The following SLC9A3 variants were observed in gnomAD, a reference collection of about 807,000 sequenced individuals.
The protein encoded by SLC9A3 is solute carrier family 9 member A3.
In SLC9A3, 37 loss-of-function variants were observed where a neutral mutation model predicts 86.8. That is an observed-to-expected ratio of 0.43 (90% CI 0.33 to 0.56). SLC9A3 has a LOEUF of 0.56. SLC9A3 is among the 20% of genes least tolerant of loss of function. The pLI is 0.06. For synonymous variants in SLC9A3, 581 were observed against 528.3 expected (o/e 1.10, Z -1.37); for missense variants, 1,011 against 1,171.9 (o/e 0.86, Z 2.00).
In SLC9A3 at chr5:472,805, C is replaced by T. The variant is rs1166730930; in HGVS notation, c.*574G>A. On this transcript the variant is annotated 3_prime_UTR_variant, in exon 17 of 17. Transcript: ENST00000264938. The stretch of plus-strand genomic sequence containing the variant: ...GCGCTCGGGAGGTCCCTGAGTCGGT[C>T]CCCGAGTCAGTCCCCGGGCGCGGGG... 2 of 572,662 alleles carry T rather than the reference C, an allele frequency of 3.5e-6. No homozygotes were observed. The highest frequency in any genetic ancestry group is 6.6e-6 in the Non-Finnish European group (2 of 302,814). The allele number at this position is 572,662 out of a possible 1,614,324, so 35.5% of individuals were successfully genotyped here. A position where few individuals can be genotyped will look rare whatever the true frequency, so the allele number is the denominator to read the frequency against.
chr5:508,477 A>G (rs1426903985), intron 1 of SLC9A3, among the ~76,000 whole-genome samples: 15 of 101,504 alleles, frequency 1.5e-4, no homozygotes, highest in East Asian at 6.8e-4. Context: ...GCAGGGAGAC[A>G]CAGCCCATAG....
intron 16 of SLC9A3, 112 bp from the exon 17 acceptor site, chr5:473,494 G>A: frequency 1.1e-6 from 1 of 930,130 alleles, no homozygotes; most frequent in East Asian, 3.4e-5. Context: ...CTCCCCTCCC[G>A]CGGCGCACCC....
Position 473,267 on chromosome 5 carries a change from C to A in SLC9A3, c.*112G>T. 3.5e-6 allele frequency: 4 copies of A among 1,154,354 alleles called. No individual in the cohort carries two copies. Among genetic ancestry groups the A allele is most frequent in the Middle Eastern group, 3.2e-4 (1 of 3,102 alleles). 71.5% of individuals were successfully genotyped at this position (1,154,354 alleles called of 1,614,324 possible). A position where few individuals can be genotyped will look rare whatever the true frequency, so the allele number is the denominator to read the frequency against. ...TGGGCGAGGCGGGGCTCGGGGCTCGCGGTCGCTGTAGCCGCGCGGGGATCT... is the reference window on the plus strand; with the variant it reads ...TGGGCGAGGCGGGGCTCGGGGCTCGAGGTCGCTGTAGCCGCGCGGGGATCT... On this transcript the variant is annotated 3_prime_UTR_variant, in exon 17 of 17. Transcript: ENST00000264938.
At chr5:488,550 G>A (rs923269920) in intron 2 of SLC9A3, 74 bp from the exon 3 acceptor site, 6 of 1,402,276 alleles carry the variant, frequency 4.3e-6, no homozygotes, top group East Asian at 5.3e-5. Context: ...GGAGGCGCTC[G>A]CCTACGGGTC....
intron 1 of SLC9A3, among the ~76,000 whole-genome samples, chr5:517,743 TCACCCATCCATCCATCCATC>T (rs1223032151): frequency 1.5e-5 from 2 of 132,198 alleles, no homozygotes; most frequent in African/African-American, 2.9e-5. Context: ...ATCCATCCAT[TCACCCATCCATCCATCCATC>T]CACCCATCCA....
Position 471,947 on chromosome 5 carries a change from G to T in SLC9A3, c.*1432C>A, listed in dbSNP as rs918941445. On this transcript the variant is annotated 3_prime_UTR_variant, in exon 17 of 17. Transcript: ENST00000264938. ...ACTCTTTAAGAACTCCTCCTGACTG[G>T]TGACTGTCAACACTTGATCTGAAAC... 3.3e-5 allele frequency: 15 copies of T among 456,536 alleles called. No homozygotes were observed. The highest frequency in any genetic ancestry group is 5.7e-5 in the Non-Finnish European group (13 of 226,986). The allele number at this position is 456,536 out of a possible 1,614,324, so 28.3% of individuals were successfully genotyped here. A position where few individuals can be genotyped will look rare whatever the true frequency, so the allele number is the denominator to read the frequency against.
rs1243347163 is a variant in SLC9A3 at position 497,295 on chromosome 5, G to A, written c.212-5224C>T. Among the ~76,000 whole-genome samples the A allele has an allele frequency of 6.6e-6, 1 of 152,142 alleles. No homozygotes were observed. Among genetic ancestry groups the A allele is most frequent in the Admixed American group, 6.5e-5 (1 of 15,280 alleles). Reference sequence around the variant, plus strand: ...CCTCGGGCGACACGGTGCACTGGCCGAATTCCCTCCAGGTGCAGGAGTCGA... The same window carrying A: ...CCTCGGGCGACACGGTGCACTGGCCAAATTCCCTCCAGGTGCAGGAGTCGA... On this transcript the variant is annotated intron_variant, in intron 1 of 16. Transcript: ENST00000264938. This position sits in a 1 kb window ranked among gnomAD's most constrained non-coding sequence, Gnocchi z 5.4.
intron 1 of SLC9A3, among the ~76,000 whole-genome samples, chr5:518,375 C>T (rs915572180): frequency 1.4e-4 from 21 of 150,932 alleles, no homozygotes; most frequent in Admixed American, 5.3e-4. Context: ...TGGCACTTCG[C>T]GACCGGGCAC....
intron 4 of SLC9A3, 100 bp from the exon 5 acceptor site, chr5:484,797 C>CG: frequency 8.8e-7 from 1 of 1,138,278 alleles, no homozygotes; most frequent in Non-Finnish European, 1.3e-6. Flanking sequence ...GCCCGGGAAA[C>CG]GGGGGTGGAT....
rs1210066284 is a variant in SLC9A3 at position 470,651 on chromosome 5, T to G, written c.*2728A>C. ...TTTGTGATTAGAATTACACGAAATT[T>G]GATTAATATTATAGCTGCAAAATTA... is the stretch of plus-strand genomic sequence containing the variant. On this transcript the variant is annotated 3_prime_UTR_variant, in exon 17 of 17. Coordinates refer to ENST00000264938, the MANE Select transcript of SLC9A3 (RefSeq NM_004174.4). 1 of 152,354 alleles carries G rather than the reference T, an allele frequency of 6.6e-6. No homozygotes were observed. The highest frequency in any genetic ancestry group is 1.5e-5 in the Non-Finnish European group (1 of 68,034). 9.4% of individuals were successfully genotyped at this position (152,354 alleles called of 1,614,324 possible).
chr5:474,066 A>G (rs1298868262), intron 16 of SLC9A3, among the ~76,000 whole-genome samples: 1 of 152,176 alleles, frequency 6.6e-6, no homozygotes, highest in African/African-American at 2.4e-5. Flanking sequence ...GCAGGGCGCT[A>G]GAGGAGGAAG....
chr5:523,294 C>T (rs931590751), intron 1 of SLC9A3, among the ~76,000 whole-genome samples: 7 of 152,176 alleles, frequency 4.6e-5, no homozygotes, highest in African/African-American at 7.2e-5. Flanking sequence ...CCTCCTCGGC[C>T]CCAGCATCGA....
chr5:475,511 C>T (rs41282625), intron 15 of SLC9A3, 50 bp downstream of exon 15: 3 of 1,115,356 alleles, frequency 2.7e-6, no homozygotes, highest in Admixed American at 2.0e-5. Flanking sequence ...CCTCCTGGGG[C>T]GGCAGGAGCC....
At chr5:514,595 T>C (rs964928557) in intron 1 of SLC9A3, among the ~76,000 whole-genome samples, 7 of 152,240 alleles carry the variant, frequency 4.6e-5, no homozygotes, top group Non-Finnish European at 8.8e-5. Flanking sequence ...GGCCGGGTTC[T>C]AAGGGGAATC....
chr5:502,885 C>G (rs1740362686), intron 1 of SLC9A3, among the ~76,000 whole-genome samples: 1 of 116,646 alleles, frequency 8.6e-6, no homozygotes, highest in Admixed American at 8.7e-5. Context: ...CTTTACCACT[C>G]ACTACCAGTG....
At chr5:499,100 G>C (rs925765640) in intron 1 of SLC9A3, among the ~76,000 whole-genome samples, 6 of 152,248 alleles carry the variant, frequency 3.9e-5, no homozygotes, top group Admixed American at 3.9e-4. Flanking sequence ...GCGGTTGATG[G>C]AAGTCCTCAG....
intron 3 of SLC9A3, among the ~76,000 whole-genome samples, chr5:485,492 C>T (rs150621100): frequency 1.3e-5 from 2 of 152,380 alleles, no homozygotes; most frequent in Non-Finnish European, 2.9e-5. Context: ...CTCTGCAAAA[C>T]AGGGGCAGCT....
Position 497,915 on chromosome 5 carries a change from C to T in SLC9A3, c.212-5844G>A, listed in dbSNP as rs111300545. Among the ~76,000 whole-genome samples, 5,646 of 114,610 alleles carry T rather than the reference C, an allele frequency of 0.049. 584 individuals are homozygous for T. The highest frequency in any genetic ancestry group is 0.088 in the Non-Finnish European group (3,959 of 45,038). 75.2% of individuals were successfully genotyped at this position (114,610 alleles called of 152,430 possible). On this transcript the variant is annotated intron_variant, in intron 1 of 16. Coordinates refer to ENST00000264938, the MANE Select transcript of SLC9A3 (RefSeq NM_004174.4). This position sits in a 1 kb window ranked among gnomAD's most constrained non-coding sequence, Gnocchi z 5.4. ...CCGGGTGGGGTCGCCCGGCCGCATC[C>T]CCAGCCTCTGCCCTCCGACAACTCA...
chr5:492,643 C>T (rs982821597), intron 1 of SLC9A3, among the ~76,000 whole-genome samples: 1 of 150,264 alleles, frequency 6.7e-6, no homozygotes, highest in African/African-American at 2.5e-5. Context: ...GAGGCCCGTG[C>T]TGGATGGACG....
Sources: allele counts gnomAD v4.1 joint callset (sites outside exome capture counted in the v4.1 genomes callset), GRCh38; gene constraint gnomAD v4.1.1; non-coding constraint Gnocchi (gnomAD v3.1); transcripts MANE v1.5; gene names NCBI Gene and HGNC (gene_info 2026-07-23, HGNC 2026-07-21).